Variants in PDGFD observed in about 807,000 individuals in gnomAD.
The protein encoded by PDGFD is platelet derived growth factor D, also known as platelet-derived growth factor D.
A neutral mutation model predicts 44.7 loss-of-function variants in PDGFD; 30 were observed. That is an observed-to-expected ratio of 0.67 (90% CI 0.50 to 0.91). The LOEUF (loss-of-function observed/expected upper bound fraction) is 0.91. PDGFD is among the 40% of genes least tolerant of loss of function. PDGFD has a pLI of 0.00. For synonymous variants in PDGFD, 173 were observed against 168.4 expected, an observed-to-expected ratio of 1.03 and a Z score of -0.21; for missense variants, 445 against 457.8, an observed-to-expected ratio of 0.97 and a Z score of 0.25.
chr11:103,943,746 CTGAGTA>C lies in PDGFD; in HGVS notation c.574-102_574-97del, dbSNP rs1195364199. The C allele has an allele frequency of 1.4e-5, 14 of 1,023,088 alleles. No individual in the cohort carries two copies. In the Admixed American group the frequency reaches 2.3e-4, roughly 17 times the overall value. 63.4% of individuals were successfully genotyped at this position (1,023,088 alleles called of 1,614,324 possible). A position where few individuals can be genotyped will look rare whatever the true frequency, so the allele number is the denominator to read the frequency against. The stretch of plus-strand genomic sequence containing the variant: ...ATACGGAAGGAACATAAACAGGCTT[CTGAGTA>C]TAAGACATCATACGTTTGAATGCTA... On this transcript the variant is annotated intron_variant, in intron 4 of 6. Coordinates refer to ENST00000393158, the MANE Select transcript of PDGFD (RefSeq NM_025208.5).
At chr11:104,146,984 C>G (rs1862171387) in intron 1 of PDGFD, among the ~76,000 whole-genome samples, 1 of 148,448 alleles carries the variant, frequency 6.7e-6, no homozygotes, top group Non-Finnish European at 1.5e-5. Flanking sequence ...TTGGTACACA[C>G]CAGGCACCGG....
intron 3 of PDGFD, among the ~76,000 whole-genome samples, chr11:103,954,348 ACT>A (rs1208509152): frequency 6.6e-6 from 1 of 151,816 alleles, no homozygotes; most frequent in African/African-American, 2.4e-5. Context: ...GGAGCTAGAG[ACT>A]CTTGTCCTTT....
chr11:104,115,601 A>C (rs1861625111), intron 1 of PDGFD, among the ~76,000 whole-genome samples: 1 of 152,012 alleles, frequency 6.6e-6, no homozygotes, highest in African/African-American at 2.4e-5. Context: ...TAGTTCTTTA[A>C]GAAACCTCCA....
intron 1 of PDGFD, among the ~76,000 whole-genome samples, chr11:104,029,606 T>C (rs1207251081): frequency 2.6e-5 from 4 of 152,378 alleles, no homozygotes; most frequent in African/African-American, 9.6e-5. Context: ...TCTCTCAATA[T>C]ACTCTGTCCT....
chr11:103,932,124 A>G (rs570420609), intron 5 of PDGFD, among the ~76,000 whole-genome samples: 1 of 151,736 alleles, frequency 6.6e-6, no homozygotes, highest in African/African-American at 2.4e-5. Flanking sequence ...TATAGCATTT[A>G]CTTCATAGAC....
intron 1 of PDGFD, among the ~76,000 whole-genome samples, chr11:104,056,344 G>A (rs1465450157): frequency 1.3e-5 from 2 of 152,154 alleles, no homozygotes; most frequent in South Asian, 2.1e-4. Flanking sequence ...ATACGGTCAA[G>A]TCTTAACCCC....
Position 103,915,531 on chromosome 11 carries a change from G to T in PDGFD, c.988-5712C>A, listed in dbSNP as rs151223595. On this transcript the variant is annotated intron_variant, in intron 6 of 6. Coordinates refer to ENST00000393158, the MANE Select transcript of PDGFD (RefSeq NM_025208.5). ...GCCATACTGCCCAAAGTAAATTATA[G>T]ATTCAGTGCTACCCCCATCAAGCTA... 1.8e-3 allele frequency among the ~76,000 whole-genome samples: 275 copies of T among 152,228 alleles called. 2 individuals carry two copies. Among genetic ancestry groups the T allele is most frequent in the African/African-American group, 6.4e-3 (264 of 41,524 alleles).
chr11:104,127,084 C>A (rs112844221), intron 1 of PDGFD, among the ~76,000 whole-genome samples: 1 of 151,982 alleles, frequency 6.6e-6, no homozygotes, highest in Non-Finnish European at 1.5e-5. Context: ...TGTTTTACTC[C>A]ACAAAAAGAG....
At chr11:103,929,073 G>A (rs777172017) in intron 5 of PDGFD, among the ~76,000 whole-genome samples, 2 of 152,122 alleles carry the variant, frequency 1.3e-5, no homozygotes, top group African/African-American at 4.8e-5. Flanking sequence ...GGACGCAAGC[G>A]GCAACACTGA....
chr11:104,069,542 G>T (rs903332307), intron 1 of PDGFD, among the ~76,000 whole-genome samples: 2 of 152,130 alleles, frequency 1.3e-5, no homozygotes, highest in African/African-American at 4.8e-5. Context: ...TTTCTTGTCT[G>T]AATCAATTAT....
chr11:104,027,817 A>G (rs1036020924), intron 1 of PDGFD, among the ~76,000 whole-genome samples: 1 of 152,212 alleles, frequency 6.6e-6, no homozygotes, highest in Non-Finnish European at 1.5e-5. Context: ...TTTGGTCACA[A>G]GGGCAGATTG....
chr11:104,111,559 T>G (rs2134453101), intron 1 of PDGFD, among the ~76,000 whole-genome samples: 1 of 151,862 alleles, frequency 6.6e-6, no homozygotes, highest in East Asian at 1.9e-4. Context: ...TGCCTGGCCC[T>G]GTATTGATTA....
chr11:104,138,149 A>G (rs1212732123), intron 1 of PDGFD, among the ~76,000 whole-genome samples: 1 of 152,226 alleles, frequency 6.6e-6, no homozygotes, highest in East Asian at 1.9e-4. Flanking sequence ...GTGATAGCTA[A>G]TGTGCTGTAA....
intron 1 of PDGFD, among the ~76,000 whole-genome samples, chr11:104,152,778 T>C (rs1440922084): frequency 6.6e-6 from 1 of 152,072 alleles, no homozygotes; most frequent in African/African-American, 2.4e-5. Context: ...TAAAAGTATA[T>C]GTAATTTGGG....
chr11:104,116,379 A>T (rs1350083573), intron 1 of PDGFD, among the ~76,000 whole-genome samples: 2 of 152,120 alleles, frequency 1.3e-5, no homozygotes, highest in South Asian at 4.1e-4. Flanking sequence ...ATTCTGTTCC[A>T]TTGGTCTATG....
At chr11:104,115,361 TG>T (rs940294895) in intron 1 of PDGFD, among the ~76,000 whole-genome samples, 1 of 150,162 alleles carries the variant, frequency 6.7e-6, no homozygotes, top group Non-Finnish European at 1.5e-5. Context: ...ACATATATGA[TG>T]GAATACTCAT....
chr11:104,061,059 A>G (rs868433617), intron 1 of PDGFD, among the ~76,000 whole-genome samples: 99 of 152,232 alleles, frequency 6.5e-4, no homozygotes, highest in African/African-American at 2.1e-3. Flanking sequence ...CCGTCTATGA[A>G]TTTGCATGGT....
At chr11:103,971,677 C>A (rs545314210) in intron 3 of PDGFD, among the ~76,000 whole-genome samples, 1 of 152,232 alleles carries the variant, frequency 6.6e-6, no homozygotes, top group African/African-American at 2.4e-5. Flanking sequence ...ACGATTGCCA[C>A]AAAACAAGAA....
intron 1 of PDGFD, among the ~76,000 whole-genome samples, chr11:104,110,259 C>G (rs1715782667): frequency 6.6e-6 from 1 of 151,504 alleles, no homozygotes; most frequent in Non-Finnish European, 1.5e-5. Context: ...GAGGCTCTTT[C>G]TATACATTAT....
Sources: gnomAD v4.1 joint callset for allele counts (sites outside exome capture counted in the v4.1 genomes callset) on GRCh38, gnomAD v4.1.1 for gene constraint, MANE v1.5 for transcripts, NCBI Gene and HGNC (gene_info 2026-07-23, HGNC 2026-07-21) for gene names.